NMNAT3: variants seen among roughly 807,000 people sequenced by gnomAD.
The protein encoded by NMNAT3 is nicotinamide/nicotinic acid mononucleotide adenylyltransferase 3.
NMNAT3 carries 21 observed loss-of-function variants against 24.8 expected under a neutral mutation model. The observed-to-expected ratio is 0.85, with a 90% confidence interval of 0.60 to 1.22. The LOEUF (loss-of-function observed/expected upper bound fraction) is 1.22, where lower values mean the gene tolerates loss of function less well. NMNAT3 is among the 50% of genes most tolerant of loss of function. The probability of loss-of-function intolerance (pLI) is 0.00; values close to 1 mark genes in which losing one functional copy is unlikely to be tolerated. For synonymous variants in NMNAT3, 136 were observed against 155.2 expected, an observed-to-expected ratio of 0.88 and a Z score of 0.92; for missense variants, 387 against 436.6, an observed-to-expected ratio of 0.89 and a Z score of 1.01.
intron 1 of NMNAT3, among the ~76,000 whole-genome samples, chr3:139,671,437 G>A (rs2057753144): frequency 6.6e-6 from 1 of 152,206 alleles, no homozygotes; most frequent in South Asian, 2.1e-4. Flanking sequence ...TTTTTATACA[G>A]TGGCTCTTTC....
At chr3:139,611,939 G>A (rs1330243135) in intron 3 of NMNAT3, among the ~76,000 whole-genome samples, 5 of 152,156 alleles carry the variant, frequency 3.3e-5, no homozygotes, top group Admixed American at 6.5e-5. Flanking sequence ...GGGCTGAGGC[G>A]GGCGGATCAC....
chr3:139,561,127 G>T lies in NMNAT3; in HGVS notation c.924C>A (p.Ser308Arg), dbSNP rs371832686. The change falls in exon 7 of 7, where the codon AGC becomes AGA. Residue 308 changes from serine (S) to arginine (R), a missense_variant. Around this residue, in one of 3 missense-constraint regions of NMNAT3, gnomAD observed 323 missense variants for 345.2 expected, o/e 0.94. Transcript: ENST00000643695. The stretch of plus-strand genomic sequence containing the variant: ...CAGCATCGGGAATCAGGTACTTTAC[G>T]CTCTGCCCTTGGCCCAAGGCTCGCC... The T allele has an allele frequency of 6.8e-6, 11 of 1,613,988 alleles. No individual in the cohort carries two copies. Among genetic ancestry groups the T allele is most frequent in the Middle Eastern group, 1.6e-4 (1 of 6,080 alleles).
chr3:139,588,445 G>C (rs1050935901), intron 3 of NMNAT3, among the ~76,000 whole-genome samples: 1 of 152,210 alleles, frequency 6.6e-6, no homozygotes, highest in African/African-American at 2.4e-5. Context: ...TAAGGGCAAA[G>C]AGAGTGCAAA....
intron 2 of NMNAT3, among the ~76,000 whole-genome samples, chr3:139,630,554 G>C (rs1270515917): frequency 6.6e-6 from 1 of 152,206 alleles, no homozygotes; most frequent in East Asian, 1.9e-4. Context: ...GGGAAGTGGT[G>C]TTTTCTCCTT....
chr3:139,653,434 T>C (rs2057124554), intron 1 of NMNAT3, among the ~76,000 whole-genome samples: 1 of 152,242 alleles, frequency 6.6e-6, no homozygotes, highest in African/African-American at 2.4e-5. Context: ...ATCAAACAGA[T>C]CATTTATCAG....
chr3:139,565,821 A>G (rs1430153520), intron 6 of NMNAT3: 1 of 152,210 alleles, frequency 6.6e-6, no homozygotes, highest in Non-Finnish European at 1.5e-5. Context: ...TGCAATAAAC[A>G]TACGTGTGCA....
At chr3:139,639,933 C>T (rs2056641671) in intron 1 of NMNAT3, among the ~76,000 whole-genome samples, 1 of 152,084 alleles carries the variant, frequency 6.6e-6, no homozygotes. Flanking sequence ...GAGGCCCTGA[C>T]CACACTCCTT....
intron 4 of NMNAT3, chr3:139,582,910 A>G (rs1460417398): frequency 3.6e-6 from 5 of 1,402,672 alleles, no homozygotes; most frequent in African/African-American, 2.9e-5. Flanking sequence ...CCAAAAAAAT[A>G]TATATATATT....
intron 3 of NMNAT3, among the ~76,000 whole-genome samples, chr3:139,608,618 C>T (rs1285445587): frequency 1.3e-5 from 2 of 152,064 alleles, no homozygotes; most frequent in African/African-American, 4.8e-5. Context: ...AGAATTATCC[C>T]GTGTACCCCT....
intron 1 of NMNAT3, among the ~76,000 whole-genome samples, chr3:139,663,138 T>C (rs2057470050): frequency 6.6e-6 from 1 of 152,242 alleles, no homozygotes; most frequent in Non-Finnish European, 1.5e-5. Context: ...GGAGAATCTA[T>C]TCTTGTCTTT....
chr3:139,626,152 T>G (rs1329567814), intron 3 of NMNAT3, among the ~76,000 whole-genome samples: 2 of 152,140 alleles, frequency 1.3e-5, no homozygotes, highest in Non-Finnish European at 2.9e-5. Context: ...GATCTGTGGG[T>G]TTTCATCAAA....
At chr3:139,644,788 G>A (rs1181661495) in intron 1 of NMNAT3, among the ~76,000 whole-genome samples, 1 of 152,108 alleles carries the variant, frequency 6.6e-6, no homozygotes, top group Non-Finnish European at 1.5e-5. Context: ...ACACATACGT[G>A]GTCATAATAA....
chr3:139,637,025 G>A (rs1285086682), intron 2 of NMNAT3: 1 of 152,142 alleles, frequency 6.6e-6, no homozygotes, highest in Non-Finnish European at 1.5e-5. Flanking sequence ...CCCTGCTTAT[G>A]GGCCCCTAAA....
chr3:139,566,775 A>G (rs1413684976), intron 6 of NMNAT3: 1 of 152,222 alleles, frequency 6.6e-6, no homozygotes, highest in African/African-American at 2.4e-5. Context: ...GCCTTGTAGT[A>G]TAGTTTGAAG....
rs764936770 is a variant in NMNAT3, at chr3:139,578,880, C to T, written c.567G>A (p.Lys189=). ...AGAGTGACTACCATTACCTCAGCAC[C>T]TTCACTGTCTCCATCCACTGTGCCT... is the stretch of plus-strand genomic sequence containing the variant. Residue 189 remains lysine (K), a synonymous_variant, in exon 5 of 7, where the codon AAG becomes AAA. Transcript: ENST00000643695. 8 of 1,613,682 alleles carry T rather than the reference C, an allele frequency of 5.0e-6. No homozygotes were observed. The Admixed American group carries it at 8.3e-5, about 17-fold the overall frequency.
intron 1 of NMNAT3, among the ~76,000 whole-genome samples, chr3:139,666,832 G>C (rs1437461665): frequency 6.6e-6 from 1 of 152,130 alleles, no homozygotes; most frequent in Non-Finnish European, 1.5e-5. Flanking sequence ...GTGAGAACAT[G>C]CAATAATTTT....
intron 1 of NMNAT3, among the ~76,000 whole-genome samples, chr3:139,646,948 CCCTTAATATTGCCTAG>C (rs929034925): frequency 6.6e-6 from 1 of 152,152 alleles, no homozygotes; most frequent in Non-Finnish European, 1.5e-5. Flanking sequence ...TGGCCTTATG[CCCTTAATATTGCCTAG>C]CACAATTCTT....
At chr3:139,610,361 T>C (rs2055152288) in intron 3 of NMNAT3, among the ~76,000 whole-genome samples, 1 of 152,218 alleles carries the variant, frequency 6.6e-6, no homozygotes, top group Non-Finnish European at 1.5e-5. Context: ...AAAATGCTGT[T>C]TGTTATTAAA....
chr3:139,671,149 C>G (rs1260743526), intron 1 of NMNAT3, among the ~76,000 whole-genome samples: 1 of 152,168 alleles, frequency 6.6e-6, no homozygotes, highest in East Asian at 1.9e-4. Flanking sequence ...ATATAGAAAG[C>G]TTGATATATG....
Sources: gnomAD v4.1 joint callset for allele counts (sites outside exome capture counted in the v4.1 genomes callset) on GRCh38, gnomAD v4.1.1 for gene constraint, gnomAD v4.1.1 regional missense constraint, MANE v1.5 for transcripts, NCBI Gene and HGNC (gene_info 2026-07-23, HGNC 2026-07-21) for gene names.